TOP2B: variants seen among roughly 807,000 people sequenced by gnomAD.
TOP2B encodes DNA topoisomerase 2-beta.
Under a neutral mutation model 193.5 loss-of-function variants are expected in TOP2B, and 51 were observed. That is an observed-to-expected ratio of 0.26 (90% confidence interval 0.21 to 0.33). TOP2B has a LOEUF of 0.33. Among genes scored for constraint, TOP2B ranks in the 10% least tolerant of loss-of-function variants. TOP2B has a pLI of 1.00. For synonymous variants in TOP2B, 634 were observed against 635.7 expected (o/e 1.00, Z 0.04); for missense variants, 1,378 against 1,909.3 (o/e 0.72, Z 5.19).
At chr3:25,639,025 G>T (rs1703183556) in intron 4 of TOP2B, among the ~76,000 whole-genome samples, 1 of 152,112 alleles carries the variant, frequency 6.6e-6, no homozygotes, top group African/African-American at 2.4e-5. Context: ...TAAATAAATT[G>T]TGACACATCA....
chr3:25,628,767 T>C, intron 15 of TOP2B, 80 bp downstream of exon 15: 1 of 901,810 alleles, frequency 1.1e-6, no homozygotes, highest in Non-Finnish European at 1.6e-6. Flanking sequence ...ATAGTCAAAC[T>C]TTCAAGTCAT....
In TOP2B at chr3:25,620,686, G is replaced by A; in HGVS notation, c.2858C>T (p.Thr953Ile). The change falls in exon 22 of 36, where the codon ACA (threonine) becomes ATA (isoleucine). Residue 953 changes from threonine to isoleucine, a missense_variant. Coordinates refer to ENST00000264331, the MANE Select transcript of TOP2B (RefSeq NM_001330700.2). Reference protein sequence around the residue: ...EITELPVRTWTQVYKEQVLEP... With the variant: ...EITELPVRTWIQVYKEQVLEP... ...AGATCACATATTTACACTGACCTGT[G>A]TCCAAGTTCTAACTGGAAGCTCTGT... 6.2e-7 allele frequency: 1 copy of A among 1,612,000 alleles called. No individual in the cohort carries two copies. The highest frequency in any genetic ancestry group is 8.5e-7 in the Non-Finnish European group (1 of 1,178,956).
chr3:25,617,031 T>C (rs1253936710), intron 25 of TOP2B, among the ~76,000 whole-genome samples: 5 of 152,108 alleles, frequency 3.3e-5, no homozygotes. Context: ...TTCCTTTTGT[T>C]ACCTGAACTC....
chr3:25,618,936 A>G lies in TOP2B; in HGVS notation c.3064-87T>C, dbSNP rs529921399. On this transcript the variant is annotated intron_variant, in intron 23 of 35. Transcript: ENST00000264331. ...AACATCTACAATACTTAAAATAACC[A>G]TAATATATAACCATAATGCATGTGT... 4.9e-6 allele frequency: 5 copies of G among 1,019,798 alleles called. No individual in the cohort carries two copies. In the South Asian group the frequency reaches 1.1e-4, roughly 22 times the overall value. The allele number at this position is 1,019,798 out of a possible 1,614,324, so 63.2% of individuals were successfully genotyped here. A position where few individuals can be genotyped will look rare whatever the true frequency, so the allele number is the denominator to read the frequency against.
intron 33 of TOP2B, among the ~76,000 whole-genome samples, chr3:25,602,417 A>AAAAAAAAAAAAAG: frequency 1.4e-5 from 1 of 69,828 alleles, no homozygotes; most frequent in Non-Finnish European, 2.7e-5. Flanking sequence ...AAAGAAAAAG[A>AAAAAAAAAAAAAG]AAAAAAAAAA....
Position 25,630,193 on chromosome 3 carries a change from G to A in TOP2B, c.1564-39C>T, listed in dbSNP as rs1426086398. The A allele has an allele frequency of 2.0e-6, 3 of 1,527,620 alleles. No homozygotes were observed. The South Asian group carries it at 3.8e-5, about 19-fold the overall frequency. 94.6% of individuals were successfully genotyped at this position (1,527,620 alleles called of 1,614,324 possible). ...AAAAGCACTGAGAGTAGTTTGAAGT[G>A]TTGAAATATACGAGTCAGAAATTAC... On this transcript the variant is annotated intron_variant, in intron 12 of 35. Coordinates refer to ENST00000264331, the MANE Select transcript of TOP2B (RefSeq NM_001330700.2).
At chr3:25,622,784 G>A (rs913529095) in intron 21 of TOP2B, among the ~76,000 whole-genome samples, 2 of 152,098 alleles carry the variant, frequency 1.3e-5, no homozygotes, top group African/African-American at 4.8e-5. Context: ...GGGATTACAG[G>A]TGCCCTCCAG....
chr3:25,604,878 T>C lies in TOP2B; in HGVS notation c.4379-8A>G. 7 of 1,597,134 alleles carry C rather than the reference T, an allele frequency of 4.4e-6. No individual in the cohort carries two copies. The highest frequency in any genetic ancestry group is 6.0e-6 in the Non-Finnish European group (7 of 1,166,364). On this transcript the variant is annotated splice_polypyrimidine_tract_variant and splice_region_variant and intron_variant, in intron 32 of 35. Coordinates refer to ENST00000264331, the MANE Select transcript of TOP2B (RefSeq NM_001330700.2). ...TGTCAAATTTAGCTGAATCTAAAAA[T>C]TGCAAAGCCTTCTTTTAGTAAAGAG...
chr3:25,601,625 T>C (rs932551062), intron 33 of TOP2B, among the ~76,000 whole-genome samples: 17 of 151,906 alleles, frequency 1.1e-4, no homozygotes, highest in African/African-American at 2.9e-4. Context: ...AAAAAAAAAA[T>C]TGAGTCGCCT....
At chr3:25,614,799 CTATGT>C (rs1424125602) in intron 27 of TOP2B, among the ~76,000 whole-genome samples, 4 of 151,848 alleles carry the variant, frequency 2.6e-5, no homozygotes, top group African/African-American at 4.8e-5. Context: ...TTGGAAAAAA[CTATGT>C]TATAACAATC....
At chr3:25,623,480 A>G (rs776641613) in intron 21 of TOP2B, 35 bp downstream of exon 21, 1 of 1,569,744 alleles carries the variant, frequency 6.4e-7, no homozygotes. Context: ...ACACATTATC[A>G]TTTGTTAAAT....
intron 4 of TOP2B, among the ~76,000 whole-genome samples, chr3:25,640,284 T>C (rs1167071570): frequency 1.3e-5 from 2 of 152,192 alleles, no homozygotes. Flanking sequence ...AATGCTTGCC[T>C]ACTGCCAATT....
chr3:25,598,117 T>C lies in TOP2B; in HGVS notation c.*190A>G, dbSNP rs1701965407. ...CAAGCCAATCAGACAGTACGTGACA[T>C]TTCAATGAGTAAAAAAGAGCATAAA... On this transcript the variant is annotated 3_prime_UTR_variant, in exon 36 of 36. Coordinates refer to ENST00000264331, the MANE Select transcript of TOP2B (RefSeq NM_001330700.2). The C allele has an allele frequency of 1.9e-6, 1 of 534,618 alleles. No individual in the cohort carries two copies. The highest frequency in any genetic ancestry group is 3.2e-6 in the Non-Finnish European group (1 of 314,618). 33.1% of individuals were successfully genotyped at this position (534,618 alleles called of 1,614,324 possible).
chr3:25,618,752 C>A lies in TOP2B; in HGVS notation c.3161G>T (p.Arg1054Leu). 6.2e-7 allele frequency: 1 copy of A among 1,613,484 alleles called. No homozygotes were observed. The highest frequency in any genetic ancestry group is 8.5e-7 in the Non-Finnish European group (1 of 1,179,640). ...CAACATTCCCACAAGCCACTCCTTA[C>A]GTAAACCGTAATAACTTAATCGTAA... The part of the protein sequence containing the change: ...FDLRLSYYGL[R>L]KEWLVGMLGA... Residue 1054 changes from arginine (R) to leucine (L), a missense_variant, in exon 24 of 36, where the codon CGT becomes CTT. Arg to Leu is a moderately radical substitution (Grantham distance 102). This residue lies in a region of TOP2B where 379 missense variants were observed against 615.1 expected (regional missense o/e 0.62). Transcript: ENST00000264331.
At chr3:25,623,997 T>A (rs763180185) in intron 20 of TOP2B, among the ~76,000 whole-genome samples, 3 of 152,206 alleles carry the variant, frequency 2.0e-5, no homozygotes, top group Non-Finnish European at 4.4e-5. Flanking sequence ...GATTTAATAT[T>A]GATAACTTTT....
chr3:25,645,191 A>C, intron 2 of TOP2B, 109 bp downstream of exon 2: 1 of 1,031,070 alleles, frequency 9.7e-7, no homozygotes, highest in South Asian at 1.8e-5. Flanking sequence ...ACTATGACAG[A>C]TGAAATTACA....
chr3:25,604,816 G>A lies in TOP2B; in HGVS notation c.4433C>T (p.Ser1478Leu), dbSNP rs1702195148. The change falls in exon 33 of 36, where the codon TCA becomes TTA. Residue 1478 changes from serine to leucine, a missense_variant. This residue lies in a region of TOP2B where 556 missense variants were observed against 584.2 expected (regional missense o/e 0.95). Transcript: ENST00000264331. ...TTTATCTGTCTGTTTCAGACCAAATGATGGTGAAAAAACAGAAGCAGAATC... is the reference window on the plus strand; with the variant it reads ...TTTATCTGTCTGTTTCAGACCAAATAATGGTGAAAAAACAGAAGCAGAATC... ...EEDSASVFSP[S>L]FGLKQTDKVP... 1 of 1,612,924 alleles carries A rather than the reference G, an allele frequency of 6.2e-7. No homozygotes were observed. Among genetic ancestry groups the A allele is most frequent in the Non-Finnish European group, 8.5e-7 (1 of 1,179,362 alleles).
chr3:25,598,349 A>AGACT lies in TOP2B; in HGVS notation c.4835_4838dup (p.Asp1614ValfsTer2). 1.2e-6 allele frequency: 2 copies of AGACT among 1,612,712 alleles called. No individual in the cohort carries two copies. Among genetic ancestry groups the AGACT allele is most frequent in the Non-Finnish European group, 1.7e-6 (2 of 1,179,228 alleles). On this transcript the variant is annotated frameshift_variant, in exon 36 of 36. Coordinates refer to ENST00000264331, the MANE Select transcript of TOP2B (RefSeq NM_001330700.2). LOFTEE classifies it high-confidence loss of function. Reference sequence around the variant, plus strand: ...AATCAACATCATCTTCTTCTTCATCAGACTCTGCAAAATATTTTACTTCTT... The same window carrying AGACT: ...AATCAACATCATCTTCTTCTTCATCAGACTGACTCTGCAAAATATTTTACTTCTT...
At chr3:25,619,321 T>G (rs1048388697) in intron 23 of TOP2B, among the ~76,000 whole-genome samples, 2 of 150,084 alleles carry the variant, frequency 1.3e-5, no homozygotes, top group African/African-American at 5.1e-5. Context: ...CTATCCTTTT[T>G]CTTTCTTCCA....
Sources: allele counts gnomAD v4.1 joint callset (sites outside exome capture counted in the v4.1 genomes callset), GRCh38; gene constraint gnomAD v4.1.1; regional missense constraint gnomAD v4.1.1; transcripts MANE v1.5; gene names NCBI Gene and HGNC (gene_info 2026-07-23, HGNC 2026-07-21).